Variants in CYP2R1 observed in about 807,000 individuals in gnomAD.
CYP2R1 encodes the protein vitamin D 25-hydroxylase.
In CYP2R1, 40 loss-of-function variants were observed where a neutral mutation model predicts 45.7. The observed-to-expected ratio is 0.87, with a 90% CI of 0.68 to 1.14. CYP2R1 has a LOEUF of 1.14. Ranked by LOEUF, CYP2R1 falls within the 50% of genes most tolerant of loss-of-function variation. CYP2R1 has a pLI of 0.00. For missense variants in CYP2R1, 605 were observed against 602.6 expected (o/e 1.00, Z -0.04); for synonymous variants, 234 against 219.3 (o/e 1.07, Z -0.59).
At chr11:14,878,998 G>T in intron 4 of CYP2R1, 116 bp downstream of exon 4, 1 of 852,726 alleles carries the variant, frequency 1.2e-6, no homozygotes, top group Non-Finnish European at 1.9e-6. Context: ...TCAGTTCTGT[G>T]TTTTTAGAAT....
Position 14,885,637 on chromosome 11 carries a change from T to C in CYP2R1, c.367+139A>G, listed in dbSNP as rs1848585239. The stretch of plus-strand genomic sequence containing the variant: ...GCGTGTAGTACAGCCTGAAAGGTCC[T>C]CAAATACTAGGTTCTGTAAATAAAT... On this transcript the variant is annotated intron_variant, in intron 2 of 4. Coordinates refer to ENST00000334636, the MANE Select transcript of CYP2R1 (RefSeq NM_024514.5). The C allele has an allele frequency of 6.6e-6, 6 of 914,608 alleles. No individual in the cohort carries two copies. In the South Asian group the frequency reaches 7.9e-5, roughly 12 times the overall value. 56.7% of individuals were successfully genotyped at this position (914,608 alleles called of 1,614,324 possible).
rs1260152582 is a variant in CYP2R1 at position 14,886,588 on chromosome 11, T to C, written c.226-671A>G. On this transcript the variant is annotated intron_variant, in intron 1 of 4. Coordinates refer to ENST00000334636, the MANE Select transcript of CYP2R1 (RefSeq NM_024514.5). ...TCCATTCCATGCCTTGCTGGAGTTG[T>C]CTGCCCTGTGCCTCACCCCAGGTTC... 6 of 152,912 alleles carry C rather than the reference T, an allele frequency of 3.9e-5. No individual in the cohort carries two copies. In the East Asian group the frequency reaches 1.2e-3, roughly 29 times the overall value. The allele number at this position is 152,912 out of a possible 1,614,324, so 9.5% of individuals were successfully genotyped here.
At chr11:14,886,186 C>G (rs199631333) in intron 1 of CYP2R1, 2 of 451,106 alleles carry the variant, frequency 4.4e-6, no homozygotes, top group East Asian at 8.6e-5. Context: ...AGGCCTGGGT[C>G]TAGTTTAAGG....
rs1262069237 is a variant in CYP2R1 at position 14,880,183 on chromosome 11, A to C, written c.953T>G (p.Val318Gly). The C allele has an allele frequency of 6.2e-7, 1 of 1,612,874 alleles. No individual in the cohort carries two copies. Among genetic ancestry groups the C allele is most frequent in the Non-Finnish European group, 8.5e-7 (1 of 1,179,364 alleles). The change falls in exon 3 of 5, where the codon GTG becomes GGG. Residue 318 changes from valine (V) to glycine (G), a missense_variant. Transcript: ENST00000334636. Reference protein sequence around the residue: ...IIAGTETTTNVLRWAILFMAL... With the variant: ...IIAGTETTTNGLRWAILFMAL... The stretch of plus-strand genomic sequence containing the variant: ...CATGAAAAGAATCGCCCACCGTAGC[A>C]CATTGGTTGTAGTTTCAGTTCCAGC...
intron 1 of CYP2R1, among the ~76,000 whole-genome samples, chr11:14,890,696 G>A (rs570005325): frequency 7.9e-5 from 12 of 151,860 alleles, no homozygotes; most frequent in African/African-American, 2.7e-4. Context: ...ACAGGTGCCC[G>A]CCACCACGCC....
chr11:14,882,094 T>C (rs149100711), intron 2 of CYP2R1, among the ~76,000 whole-genome samples: 2,083 of 152,230 alleles, frequency 0.014, 50 homozygotes, highest in African/African-American at 0.048. Flanking sequence ...CCATTCTTTT[T>C]TCTATACTCC....
At chr11:14,882,377 C>A (rs2134036035) in intron 2 of CYP2R1, among the ~76,000 whole-genome samples, 1 of 152,204 alleles carries the variant, frequency 6.6e-6, no homozygotes, top group Non-Finnish European at 1.5e-5. Flanking sequence ...GTGAGACAAG[C>A]AAATACCTGA....
intron 1 of CYP2R1, among the ~76,000 whole-genome samples, chr11:14,890,220 G>GA (rs1162076647): frequency 7.5e-4 from 111 of 147,342 alleles, no homozygotes; most frequent in Non-Finnish European, 1.1e-3. Flanking sequence ...TCACTACCGA[G>GA]AAAAAAAAAA....
At chr11:14,886,052 A>C in intron 1 of CYP2R1, 135 bp from the exon 2 acceptor site, 1 of 828,886 alleles carries the variant, frequency 1.2e-6, no homozygotes, top group Admixed American at 2.0e-5. Context: ...TTATTACTCA[A>C]CTGACAATGT....
rs1555011868 is a variant in CYP2R1, at chr11:14,880,622, A to T, written c.514T>A (p.Tyr172Asn). The change falls in exon 3 of 5, where the codon TAC (tyrosine) becomes AAC (asparagine). Residue 172 changes from tyrosine to asparagine, a missense_variant. Transcript: ENST00000334636. ...TTAAAGTCAAAAGGTCTACCTTTGT[A>T]TGTTTCAATAGCATCATTGAAAAAT... ...TKFFNDAIET[Y>N]KGRPFDFKQL... 2.5e-6 allele frequency: 4 copies of T among 1,608,468 alleles called. No homozygotes were observed. The African/African-American group carries it at 5.4e-5, about 22-fold the overall frequency.
At chr11:14,882,492 G>C (rs879949349) in intron 2 of CYP2R1, among the ~76,000 whole-genome samples, 2 of 152,112 alleles carry the variant, frequency 1.3e-5, no homozygotes, top group Non-Finnish European at 2.9e-5. Context: ...AGAAGGTACA[G>C]AGGAGCACTG....
rs1316893879 is a variant in CYP2R1 at position 14,877,630 on chromosome 11, A to G, written c.*492T>C. 6.6e-6 allele frequency: 1 copy of G among 152,376 alleles called. No homozygotes were observed. Among genetic ancestry groups the G allele is most frequent in the South Asian group, 2.1e-4 (1 of 4,836 alleles). 9.4% of individuals were successfully genotyped at this position (152,376 alleles called of 1,614,324 possible). ...ATACATATTTCTTCTACCATCTCCC[A>G]CCATATCTAAAATACCTCTATAGTC... On this transcript the variant is annotated 3_prime_UTR_variant, in exon 5 of 5. Coordinates refer to ENST00000334636, the MANE Select transcript of CYP2R1 (RefSeq NM_024514.5).
At chr11:14,885,371 T>C (rs1389779819) in intron 2 of CYP2R1, among the ~76,000 whole-genome samples, 4 of 152,146 alleles carry the variant, frequency 2.6e-5, no homozygotes, top group African/African-American at 4.8e-5. Flanking sequence ...CAGTGATTAG[T>C]AGTCAAAAAA....
chr11:14,891,542 A>G (rs1453167791), intron 1 of CYP2R1: 1 of 1,022,326 alleles, frequency 9.8e-7, no homozygotes, highest in Non-Finnish European at 1.2e-6. Context: ...GCTATTAACC[A>G]TCTAGAACTC....
Position 14,892,218 on chromosome 11 carries a change from G to C in CYP2R1, c.-13C>G, listed in dbSNP as rs782066734. The C allele has an allele frequency of 1.2e-6, 2 of 1,607,330 alleles. No homozygotes were observed. Among genetic ancestry groups the C allele is most frequent in the Non-Finnish European group, 1.7e-6 (2 of 1,179,032 alleles). On this transcript the variant is annotated 5_prime_UTR_variant, in exon 1 of 5. Transcript: ENST00000334636. ...AAAGCTTCCACATCGGCCCGAGCTG[G>C]AGGTGCGAACTCCACAGCAGCCCTG...
At chr11:14,879,554 G>T in intron 3 of CYP2R1, 111 bp from the exon 4 acceptor site, 1 of 716,098 alleles carries the variant, frequency 1.4e-6, no homozygotes, top group Non-Finnish European at 2.3e-6. Flanking sequence ...ATAGGATATA[G>T]ATACATCCAG....
In CYP2R1 at chr11:14,891,645, C is replaced by A. The variant is rs561385358; in HGVS notation, c.225+336G>T. 6 of 1,146,906 alleles carry A rather than the reference C, an allele frequency of 5.2e-6. No individual in the cohort carries two copies. In the South Asian group the frequency reaches 1.1e-4, roughly 22 times the overall value. The allele number at this position is 1,146,906 out of a possible 1,614,324, so 71.0% of individuals were successfully genotyped here. On this transcript the variant is annotated intron_variant, in intron 1 of 4. Coordinates refer to ENST00000334636, the MANE Select transcript of CYP2R1 (RefSeq NM_024514.5). ...GCCCGCACCTGAGGGCATGCGTCCA[C>A]CCTGGACCTGAAGTGGCGGCGCGGC... is the stretch of plus-strand genomic sequence containing the variant.
chr11:14,880,197 T>A lies in CYP2R1; in HGVS notation c.939A>T (p.Glu313Asp). 6.2e-7 allele frequency: 1 copy of A among 1,612,984 alleles called. No individual in the cohort carries two copies. Among genetic ancestry groups the A allele is most frequent in the African/African-American group, 1.3e-5 (1 of 74,984 alleles). The change falls in exon 3 of 5, where the codon GAA becomes GAT. Residue 313 changes from glutamate to aspartate, a missense_variant. Transcript: ENST00000334636. ...CCCACCGTAGCACATTGGTTGTAGT[T>A]TCAGTTCCAGCAATGATGAGTTCAC... Reference protein sequence around the residue: ...SVGELIIAGTETTTNVLRWAI... With the variant: ...SVGELIIAGTDTTTNVLRWAI...
chr11:14,877,474 C>G lies in CYP2R1; in HGVS notation c.*648G>C, dbSNP rs952226995. On this transcript the variant is annotated 3_prime_UTR_variant, in exon 5 of 5. Transcript: ENST00000334636. ...ATTTTAAATATATTATTGTAATGTC[C>G]TATCTACTTAACTGCTATGAAGATG... 6.6e-6 allele frequency: 1 copy of G among 152,060 alleles called. No homozygotes were observed. The highest frequency in any genetic ancestry group is 1.5e-5 in the Non-Finnish European group (1 of 67,988). The allele number at this position is 152,060 out of a possible 1,614,324, so 9.4% of individuals were successfully genotyped here. A position where few individuals can be genotyped will look rare whatever the true frequency, so the allele number is the denominator to read the frequency against.
Sources: gnomAD v4.1 joint callset for allele counts (sites outside exome capture counted in the v4.1 genomes callset) on GRCh38, gnomAD v4.1.1 for gene constraint, MANE v1.5 for transcripts, NCBI Gene and HGNC (gene_info 2026-07-23, HGNC 2026-07-21) for gene names.